Variants in ZBTB20 observed in about 807,000 individuals in gnomAD.
ZBTB20 encodes zinc finger and BTB domain-containing protein 20.
ZBTB20 carries 9 observed loss-of-function variants against 56.9 expected under a neutral mutation model. The ratio of observed to expected loss-of-function variants is 0.16; its 90% CI spans 0.10 to 0.28. ZBTB20 has a LOEUF of 0.28. Ranked by LOEUF, ZBTB20 falls within the 10% of genes least tolerant of loss-of-function variation. ZBTB20 has a pLI of 1.00. For missense variants in ZBTB20, 655 were observed against 1,003.0 expected (o/e 0.65, Z 4.69); for synonymous variants, 417 against 420.7 (o/e 0.99, Z 0.11).
At chr3:114,593,645 A>G (rs1005468465) in intron 6 of ZBTB20, among the ~76,000 whole-genome samples, 9 of 152,076 alleles carry the variant, frequency 5.9e-5, no homozygotes, top group African/African-American at 2.2e-4. Flanking sequence ...TGGCCTCCCA[A>G]AGTGCTGGGA....
chr3:114,820,643 C>A (rs1042881659), intron 4 of ZBTB20, among the ~76,000 whole-genome samples: 1 of 152,010 alleles, frequency 6.6e-6, no homozygotes, highest in South Asian at 2.1e-4. Context: ...AATCAGATAC[C>A]GATAAAAATC....
chr3:115,078,611 G>GTATA (rs1394459745), intron 1 of ZBTB20, among the ~76,000 whole-genome samples: 1 of 133,180 alleles, frequency 7.5e-6, no homozygotes, highest in African/African-American at 3.3e-5. Context: ...GTGTGTGTGT[G>GTATA]TGTATATATA....
At chr3:114,661,900 T>C (rs1204942888) in intron 6 of ZBTB20, among the ~76,000 whole-genome samples, 1 of 151,948 alleles carries the variant, frequency 6.6e-6, no homozygotes, top group Non-Finnish European at 1.5e-5. Context: ...AGGATTTTGC[T>C]TCTCTTTTTT....
At chr3:114,711,966 T>C (rs2064117572) in intron 5 of ZBTB20, among the ~76,000 whole-genome samples, 1 of 152,210 alleles carries the variant, frequency 6.6e-6, no homozygotes, top group Non-Finnish European at 1.5e-5. Context: ...TGAAGGACCA[T>C]GTCTTATCCA....
chr3:114,384,108 C>CTG (rs1309312288), intron 8 of ZBTB20, among the ~76,000 whole-genome samples: 1 of 140,852 alleles, frequency 7.1e-6, no homozygotes, highest in Non-Finnish European at 1.6e-5. Context: ...CATTCTCTCT[C>CTG]TCTCTCTCTC....
chr3:114,686,230 T>C (rs556485970), intron 6 of ZBTB20, among the ~76,000 whole-genome samples: 26 of 152,318 alleles, frequency 1.7e-4, no homozygotes, highest in African/African-American at 6.0e-4. Context: ...ACAGAAACTC[T>C]GAGTGGTGAG....
intron 7 of ZBTB20, among the ~76,000 whole-genome samples, chr3:114,480,311 G>A (rs1422548939): frequency 2.6e-5 from 4 of 151,744 alleles, no homozygotes; most frequent in Non-Finnish European, 5.9e-5. Context: ...TGCTTTTTTT[G>A]AATTTGGATA....
chr3:114,804,388 A>G (rs2071945429), intron 4 of ZBTB20, among the ~76,000 whole-genome samples: 1 of 151,918 alleles, frequency 6.6e-6, no homozygotes, highest in African/African-American at 2.4e-5. Flanking sequence ...AAAGAACAAC[A>G]AAGCATTCCA....
intron 4 of ZBTB20, among the ~76,000 whole-genome samples, chr3:114,860,115 T>C (rs1242937612): frequency 2.6e-5 from 4 of 152,172 alleles, no homozygotes; most frequent in Non-Finnish European, 4.4e-5. Flanking sequence ...AAGACCATCC[T>C]GGCCAACAGG....
intron 2 of ZBTB20, among the ~76,000 whole-genome samples, chr3:115,015,114 A>G (rs952226065): frequency 6.6e-6 from 1 of 151,804 alleles, no homozygotes; most frequent in African/African-American, 2.4e-5. Context: ...TATGCTATGC[A>G]AGTAGAAATC....
intron 6 of ZBTB20, among the ~76,000 whole-genome samples, chr3:114,643,190 T>C (rs1266976176): frequency 6.6e-6 from 1 of 152,122 alleles, no homozygotes; most frequent in Admixed American, 6.6e-5. Context: ...TTGGATACAT[T>C]TGTAAACTAT....
intron 1 of ZBTB20, among the ~76,000 whole-genome samples, chr3:115,112,129 GGTGT>G (rs1360184377): frequency 1.3e-5 from 2 of 151,076 alleles, no homozygotes; most frequent in African/African-American, 2.4e-5. Context: ...TCCATGTTTG[GGTGT>G]GTATTTTCTA....
At chr3:114,747,430 G>C (rs1304383156) in intron 5 of ZBTB20, among the ~76,000 whole-genome samples, 1 of 152,116 alleles carries the variant, frequency 6.6e-6, no homozygotes, top group Non-Finnish European at 1.5e-5. Context: ...AGCCAGGCAT[G>C]GTGGTACACA....
intron 4 of ZBTB20, among the ~76,000 whole-genome samples, chr3:114,810,375 C>T (rs1250998341): frequency 6.6e-6 from 1 of 152,132 alleles, no homozygotes; most frequent in Admixed American, 6.5e-5. Context: ...ATTCTCCCTG[C>T]TTGTTTGCCC....
At chr3:114,880,507 T>C (rs2076359914) in intron 4 of ZBTB20, among the ~76,000 whole-genome samples, 1 of 152,190 alleles carries the variant, frequency 6.6e-6, no homozygotes, top group Non-Finnish European at 1.5e-5. Context: ...AATGTGTAAA[T>C]GGTATAGCTA....
intron 2 of ZBTB20, among the ~76,000 whole-genome samples, chr3:115,057,233 T>A (rs779272654): frequency 3.3e-5 from 5 of 152,116 alleles, no homozygotes; most frequent in Non-Finnish European, 5.9e-5. Context: ...TTTAACTTCG[T>A]ATTTCTTTTC....
At chr3:114,951,927 T>A (rs557390556) in intron 3 of ZBTB20, among the ~76,000 whole-genome samples, 110 of 151,996 alleles carry the variant, frequency 7.2e-4, no homozygotes, top group Admixed American at 1.4e-3. Flanking sequence ...AATAAAATTT[T>A]AAAAAAATAC....
At chr3:115,098,151 C>G (rs2083445975) in intron 1 of ZBTB20, among the ~76,000 whole-genome samples, 1 of 152,070 alleles carries the variant, frequency 6.6e-6, no homozygotes, top group South Asian at 2.1e-4. Context: ...AATATTGTAT[C>G]TGAAAAGAAG....
At chr3:114,626,113 C>A (rs536213991) in intron 6 of ZBTB20, among the ~76,000 whole-genome samples, 34 of 152,262 alleles carry the variant, frequency 2.2e-4, no homozygotes, top group African/African-American at 8.2e-4. Context: ...TAAAATATTT[C>A]TTTAAAGTCC....
Sources: gnomAD v4.1 joint callset for allele counts (sites outside exome capture counted in the v4.1 genomes callset) on GRCh38, gnomAD v4.1.1 for gene constraint, MANE v1.5 for transcripts, NCBI Gene and HGNC (gene_info 2026-07-23, HGNC 2026-07-21) for gene names.